SSH2: variants seen among roughly 807,000 people sequenced by gnomAD.
SSH2 encodes protein phosphatase Slingshot homolog 2.
In SSH2, 37 loss-of-function variants were observed where a neutral mutation model predicts 135.2. The observed-to-expected ratio is 0.27, with a 90% confidence interval of 0.21 to 0.36. The LOEUF is 0.36. Among genes scored for constraint, SSH2 ranks in the 10% least tolerant of loss-of-function variants. The pLI, the probability that SSH2 is intolerant of heterozygous loss-of-function variation, is 1.00. For missense variants in SSH2, 1,408 were observed against 1,765.3 expected, an observed-to-expected ratio of 0.80 and a Z score of 3.63; for synonymous variants, 628 against 646.2, an observed-to-expected ratio of 0.97 and a Z score of 0.43.
At chr17:29,725,347 CAAAAAAAA>C (rs11449000) in intron 3 of SSH2, among the ~76,000 whole-genome samples, 4 of 52,788 alleles carry the variant, frequency 7.6e-5, no homozygotes, top group Admixed American at 2.8e-4. Flanking sequence ...AATCAGTCTC[CAAAAAAAA>C]AAAAAAAAAA....
chr17:29,924,589 A>G (rs1344443091), intron 1 of SSH2, among the ~76,000 whole-genome samples: 1 of 152,028 alleles, frequency 6.6e-6, no homozygotes, highest in Non-Finnish European at 1.5e-5. Flanking sequence ...TCCCTATATT[A>G]ATTAGGCAAG....
At chr17:29,764,957 TATG>T (rs2041409693) in intron 3 of SSH2, among the ~76,000 whole-genome samples, 1 of 152,172 alleles carries the variant, frequency 6.6e-6, no homozygotes. Context: ...ATGTAGTAAA[TATG>T]TTTTTGCTGC....
chr17:29,797,045 A>G (rs2042169604), intron 2 of SSH2, among the ~76,000 whole-genome samples: 1 of 151,826 alleles, frequency 6.6e-6, no homozygotes, highest in Admixed American at 6.6e-5. Flanking sequence ...GTTGGTCTCA[A>G]ACTTCTGGTC....
intron 3 of SSH2, among the ~76,000 whole-genome samples, chr17:29,730,690 C>T (rs2040157441): frequency 6.6e-6 from 1 of 152,054 alleles, no homozygotes; most frequent in Non-Finnish European, 1.5e-5. Context: ...CTGCCTGCCT[C>T]GGCCTCCCAA....
intron 5 of SSH2, among the ~76,000 whole-genome samples, chr17:29,685,232 T>A (rs1318095541): frequency 6.6e-6 from 1 of 152,208 alleles, no homozygotes; most frequent in Non-Finnish European, 1.5e-5. Flanking sequence ...AAACTTCTCA[T>A]TTTTTGTCAA....
chr17:29,727,125 T>TCCCC (rs2040028209), intron 3 of SSH2, among the ~76,000 whole-genome samples: 1 of 152,144 alleles, frequency 6.6e-6, no homozygotes, highest in African/African-American at 2.4e-5. Context: ...TCCTTCCTTA[T>TCCCC]CCCCCATTCA....
intron 3 of SSH2, among the ~76,000 whole-genome samples, chr17:29,705,317 C>A (rs1032206452): frequency 6.6e-6 from 1 of 152,276 alleles, no homozygotes; most frequent in Non-Finnish European, 1.5e-5. Context: ...CAAACATACA[C>A]AAAAGTAGAG....
rs201770622 is a variant in SSH2, at chr17:29,650,719, A to G, written c.1161T>C (p.Tyr387=). The G allele has an allele frequency of 3.1e-6, 5 of 1,613,976 alleles. No homozygotes were observed. The East Asian group carries it at 8.9e-5, about 29-fold the overall frequency. ...CCAGGAGATCCGTTGCCTCTTCATCATATACCCGAATGTTATGATACTCAA... is the reference window on the plus strand; with the variant it reads ...CCAGGAGATCCGTTGCCTCTTCATCGTATACCCGAATGTTATGATACTCAA... ...GVFEYHNIRV[Y]DEEATDLLAY... is the part of the protein sequence containing the mutation. The change falls in exon 13 of 16, where the codon TAT becomes TAC. Residue 387 remains tyrosine (Y), a synonymous_variant. Transcript: ENST00000540801.
chr17:29,798,498 A>G lies in SSH2; in HGVS notation c.145-4561T>C, dbSNP rs189237764. The stretch of plus-strand genomic sequence containing the variant: ...AAAGAATGTCTCTTTAAAGATATCA[A>G]TAGGCCATATTTTTGGCATATTTGA... On this transcript the variant is annotated intron_variant, in intron 2 of 15. Coordinates refer to ENST00000540801, the MANE Select transcript of SSH2 (RefSeq NM_001282129.2). Among the ~76,000 whole-genome samples, 214 of 152,304 alleles carry G rather than the reference A, an allele frequency of 1.4e-3. 1 individual carries two copies. Among genetic ancestry groups the G allele is most frequent in the Non-Finnish European group, 1.4e-3 (93 of 68,028 alleles).
chr17:29,891,593 G>GAA (rs200814194), intron 1 of SSH2, among the ~76,000 whole-genome samples: 1 of 137,298 alleles, frequency 7.3e-6, no homozygotes, highest in Non-Finnish European at 1.6e-5. Context: ...CATAGTAATA[G>GAA]AAAAAAAAAA....
At chr17:29,778,726 C>A (rs1015296834) in intron 3 of SSH2, among the ~76,000 whole-genome samples, 3 of 148,232 alleles carry the variant, frequency 2.0e-5, no homozygotes, top group Non-Finnish European at 4.5e-5. Flanking sequence ...CCCAGCTACT[C>A]GTGAAGCTGA....
At chr17:29,728,381 C>T (rs1416887338) in intron 3 of SSH2, among the ~76,000 whole-genome samples, 3 of 152,062 alleles carry the variant, frequency 2.0e-5, no homozygotes. Flanking sequence ...AACTATAACA[C>T]ACAGGTGAAA....
At chr17:29,771,228 CAAT>C (rs1346786850) in intron 3 of SSH2, among the ~76,000 whole-genome samples, 27 of 152,294 alleles carry the variant, frequency 1.8e-4, no homozygotes, top group Middle Eastern at 3.4e-3. Flanking sequence ...ATATAGACAA[CAAT>C]GAGAGCATAT....
At chr17:29,639,622 T>G (rs1345889276) in intron 14 of SSH2, 1 of 151,928 alleles carries the variant, frequency 6.6e-6, no homozygotes, top group South Asian at 2.1e-4. Flanking sequence ...AATCTTTTTA[T>G]GAAGACAAGC....
At chr17:29,696,116 C>T (rs760312155) in intron 4 of SSH2, among the ~76,000 whole-genome samples, 26 of 150,414 alleles carry the variant, frequency 1.7e-4, no homozygotes, top group Non-Finnish European at 3.4e-4. Flanking sequence ...GATGGAGTCT[C>T]GCTGTCACCC....
chr17:29,723,112 T>C (rs747519214), intron 3 of SSH2, among the ~76,000 whole-genome samples: 37 of 151,808 alleles, frequency 2.4e-4, no homozygotes, highest in Non-Finnish European at 4.9e-4. Flanking sequence ...ATGCAAGATA[T>C]CCCATCTCTG....
At chr17:29,653,662 C>T (rs1179146935) in intron 12 of SSH2, among the ~76,000 whole-genome samples, 3 of 152,114 alleles carry the variant, frequency 2.0e-5, no homozygotes, top group African/African-American at 4.8e-5. Context: ...TCTCAGCTCA[C>T]TGCAACCGCC....
chr17:29,750,373 A>C (rs950099356), intron 3 of SSH2, among the ~76,000 whole-genome samples: 6 of 149,046 alleles, frequency 4.0e-5, no homozygotes, highest in African/African-American at 1.5e-4. Flanking sequence ...CAGGAGGTGG[A>C]GGTGGCAGCG....
Position 29,672,111 on chromosome 17 carries a change from T to C in SSH2, c.633A>G (p.Leu211=). ...VQAMWSALQS[L]HKACEVARAH... ...CTCTGGCGACTTCACAAGCCTTGTG[T>C]AAGCTCTGTAGTGCAGACCTGAAAG... is the stretch of plus-strand genomic sequence containing the variant. The change falls in exon 9 of 16, where the codon TTA becomes TTG. Residue 211 remains leucine, a synonymous_variant. Coordinates refer to ENST00000540801, the MANE Select transcript of SSH2 (RefSeq NM_001282129.2). 1 of 1,613,942 alleles carries C rather than the reference T, an allele frequency of 6.2e-7. No individual in the cohort carries two copies. The highest frequency in any genetic ancestry group is 1.1e-5 in the South Asian group (1 of 91,054).
Sources: gnomAD v4.1 joint callset for allele counts (sites outside exome capture counted in the v4.1 genomes callset) on GRCh38, gnomAD v4.1.1 for gene constraint, MANE v1.5 for transcripts, NCBI Gene and HGNC (gene_info 2026-07-23, HGNC 2026-07-21) for gene names.